Variants in FSIP1 observed in about 807,000 individuals in gnomAD.
FSIP1 encodes the protein fibrous sheath interacting protein 1, also known as fibrous sheath-interacting protein 1.
Under a neutral mutation model 60.9 loss-of-function variants are expected in FSIP1, and 65 were observed. The observed-to-expected ratio is 1.07, with a 90% CI of 0.87 to 1.31. The LOEUF (loss-of-function observed/expected upper bound fraction) is 1.31, where lower values mean the gene tolerates loss of function less well. Among genes scored for constraint, FSIP1 ranks in the 40% most tolerant of loss-of-function variants. The pLI is 0.00. For synonymous variants in FSIP1, 209 were observed against 221.2 expected, an observed-to-expected ratio of 0.94 and a Z score of 0.49; for missense variants, 675 against 665.5, an observed-to-expected ratio of 1.01 and a Z score of -0.16.
chr15:39,643,712 C>G (rs1313225917), intron 10 of FSIP1, among the ~76,000 whole-genome samples: 1 of 152,090 alleles, frequency 6.6e-6, no homozygotes, highest in Non-Finnish European at 1.5e-5. Flanking sequence ...TAGGTGTTAC[C>G]CAAATAAGTG....
chr15:39,757,157 A>T (rs1488407255), intron 5 of FSIP1, among the ~76,000 whole-genome samples: 2 of 152,152 alleles, frequency 1.3e-5, no homozygotes, highest in African/African-American at 4.8e-5. Context: ...TGTTTTCCTA[A>T]TAATACTTAT....
intron 10 of FSIP1, among the ~76,000 whole-genome samples, chr15:39,636,174 A>T (rs1892130771): frequency 6.6e-6 from 1 of 152,206 alleles, no homozygotes; most frequent in South Asian, 2.1e-4. Context: ...ACCAGTCAAG[A>T]AAACATAAAT....
At chr15:39,725,887 C>T (rs539616737) in intron 9 of FSIP1, among the ~76,000 whole-genome samples, 4 of 151,670 alleles carry the variant, frequency 2.6e-5, no homozygotes, top group Non-Finnish European at 2.9e-5. Flanking sequence ...TGGGTTCAAA[C>T]GATTCTCCTG....
intron 11 of FSIP1, among the ~76,000 whole-genome samples, chr15:39,615,922 G>A (rs1891213334): frequency 6.6e-6 from 1 of 151,904 alleles, no homozygotes; most frequent in Admixed American, 6.6e-5. Flanking sequence ...CATATTGTAT[G>A]TTTCAAAATA....
chr15:39,659,982 T>C (rs558728880), intron 10 of FSIP1, among the ~76,000 whole-genome samples: 24 of 152,316 alleles, frequency 1.6e-4, no homozygotes, highest in African/African-American at 5.3e-4. Flanking sequence ...TGACTTCTTT[T>C]TTACTTCTAT....
intron 2 of FSIP1, among the ~76,000 whole-genome samples, chr15:39,773,398 A>G (rs755141285): frequency 5.9e-5 from 9 of 152,246 alleles, no homozygotes; most frequent in Non-Finnish European, 1.2e-4. Context: ...TATAAGTGCC[A>G]AAGTCCAGAT....
At chr15:39,703,161 T>C (rs1225494355) in intron 10 of FSIP1, among the ~76,000 whole-genome samples, 2 of 152,136 alleles carry the variant, frequency 1.3e-5, no homozygotes, top group Admixed American at 1.3e-4. Context: ...TTTGTATTTT[T>C]AGTAGCGATG....
At chr15:39,760,608 T>C (rs1897463144) in intron 5 of FSIP1, among the ~76,000 whole-genome samples, 1 of 152,124 alleles carries the variant, frequency 6.6e-6, no homozygotes, top group African/African-American at 2.4e-5. Flanking sequence ...AGCTGACCAA[T>C]ACTCTCCCAA....
chr15:39,688,077 T>C (rs1017517884), intron 10 of FSIP1, among the ~76,000 whole-genome samples: 1 of 152,170 alleles, frequency 6.6e-6, no homozygotes, highest in African/African-American at 2.4e-5. Context: ...TGCTTATAGG[T>C]AATCTCTCTG....
At chr15:39,619,723 C>T (rs1891372703) in intron 10 of FSIP1, among the ~76,000 whole-genome samples, 1 of 152,150 alleles carries the variant, frequency 6.6e-6, no homozygotes, top group Non-Finnish European at 1.5e-5. Flanking sequence ...ACCTAAAACA[C>T]ACTTTCAAAC....
intron 1 of FSIP1, among the ~76,000 whole-genome samples, chr15:39,780,881 C>G (rs1898240470): frequency 6.6e-6 from 1 of 152,136 alleles, no homozygotes; most frequent in Admixed American, 6.5e-5. Context: ...AGCCACCGTG[C>G]CTGGCCAAAA....
chr15:39,613,708 A>G (rs973884963), intron 11 of FSIP1, among the ~76,000 whole-genome samples: 1 of 152,252 alleles, frequency 6.6e-6, no homozygotes, highest in Admixed American at 6.5e-5. Flanking sequence ...AATCCTCAAC[A>G]AAGTACTAGC....
intron 8 of FSIP1, among the ~76,000 whole-genome samples, chr15:39,735,040 A>G (rs1430667256): frequency 1.3e-5 from 2 of 152,252 alleles, no homozygotes; most frequent in East Asian, 1.9e-4. Flanking sequence ...ATCTATCGCC[A>G]TAGTTTGATA....
At chr15:39,761,063 A>C (rs762519536) in intron 5 of FSIP1, among the ~76,000 whole-genome samples, 6 of 152,210 alleles carry the variant, frequency 3.9e-5, no homozygotes, top group Non-Finnish European at 7.4e-5. Flanking sequence ...CACCAAAAAC[A>C]CAAAAGATAA....
chr15:39,692,431 T>C (rs1894640131), intron 10 of FSIP1, among the ~76,000 whole-genome samples: 1 of 152,204 alleles, frequency 6.6e-6, no homozygotes, highest in Admixed American at 6.5e-5. Context: ...AAGGTCATTA[T>C]GAAGTTCTGA....
chr15:39,690,325 T>C (rs1473313496), intron 10 of FSIP1, among the ~76,000 whole-genome samples: 29 of 152,318 alleles, frequency 1.9e-4, no homozygotes. Context: ...GGAAATGGAC[T>C]GAGGAGACTA....
At chr15:39,768,886 A>G (rs960031389) in intron 3 of FSIP1, among the ~76,000 whole-genome samples, 5 of 152,208 alleles carry the variant, frequency 3.3e-5, no homozygotes, top group Admixed American at 2.6e-4. Context: ...TACATTAATC[A>G]TTTGGAAAAA....
chr15:39,782,018 G>A lies in FSIP1; in HGVS notation c.-8+610C>T, dbSNP rs140663157. Among the ~76,000 whole-genome samples the A allele has an allele frequency of 6.6e-5, 10 of 152,308 alleles. No individual in the cohort carries two copies. The East Asian group carries it at 1.9e-3, about 29-fold the overall frequency. On this transcript the variant is annotated intron_variant, in intron 1 of 11. Coordinates refer to ENST00000350221, the MANE Select transcript of FSIP1 (RefSeq NM_152597.5). The stretch of plus-strand genomic sequence containing the variant: ...TTTGTGCCAATCTTTCTTTAGTTAT[G>A]CTCATACATCCATAAAATATATTAG...
At chr15:39,739,860 A>G in intron 6 of FSIP1, 71 bp from the exon 7 acceptor site, 1 of 862,824 alleles carries the variant, frequency 1.2e-6, no homozygotes, top group Admixed American at 3.4e-5. Context: ...CACTTTAAGC[A>G]TATATTAAAA....
Sources: allele counts gnomAD v4.1 joint callset (sites outside exome capture counted in the v4.1 genomes callset), GRCh38; gene constraint gnomAD v4.1.1; transcripts MANE v1.5; gene names NCBI Gene and HGNC (gene_info 2026-07-23, HGNC 2026-07-21).